MGAM: variants seen among roughly 807,000 people sequenced by gnomAD.
MGAM encodes the protein maltase-glucoamylase, also known as alpha-1,4-glucosidase.
In MGAM, 253 loss-of-function variants were observed where a neutral mutation model predicts 358.8. The observed-to-expected ratio is 0.71, with a 90% CI of 0.64 to 0.78. The LOEUF (loss-of-function observed/expected upper bound fraction) is 0.78. Among genes scored for constraint, MGAM ranks in the 30% least tolerant of loss-of-function variants. MGAM has a pLI of 0.00. For missense variants in MGAM, 3,080 were observed against 3,432.6 expected (o/e 0.90, Z 2.57); for synonymous variants, 1,105 against 1,227.1 (o/e 0.90, Z 2.08).
chr7:142,075,464 G>T (rs568928014), intron 45 of MGAM, among the ~76,000 whole-genome samples: 5 of 146,356 alleles, frequency 3.4e-5, no homozygotes, highest in African/African-American at 1.2e-4. Flanking sequence ...AAAGGCTCCT[G>T]CACAGCAAAA....
At chr7:142,059,785 G>A (rs2129038729) in intron 32 of MGAM, 71 bp from the exon 33 acceptor site, 1 of 1,574,762 alleles carries the variant, frequency 6.4e-7, no homozygotes, top group East Asian at 2.3e-5. Flanking sequence ...CCCTTGAGGA[G>A]TTCTCCTTCA....
chr7:142,089,695 G>A (rs1233365706), intron 57 of MGAM, among the ~76,000 whole-genome samples: 1 of 145,382 alleles, frequency 6.9e-6, no homozygotes, highest in Non-Finnish European at 1.6e-5. Flanking sequence ...GCTGAGGTAG[G>A]AGAATCGCTT....
chr7:142,050,792 C>G lies in MGAM; in HGVS notation c.2733C>G (p.Ser911Arg). 1 of 1,613,800 alleles carries G rather than the reference C, an allele frequency of 6.2e-7. No individual in the cohort carries two copies. The highest frequency in any genetic ancestry group is 2.2e-5 in the East Asian group (1 of 44,890). Residue 911 changes from serine to arginine, a missense_variant, in exon 24 of 71, where the codon AGC (serine) becomes AGG (arginine). By Grantham distance (110) the Ser-to-Arg change is moderately radical (BLOSUM62 -1). Around this residue, in one of 5 missense-constraint regions of MGAM, gnomAD observed 1,816 missense variants for 1,840.5 expected, o/e 0.99. Transcript: ENST00000475668. ...AAATTCTTGGGACGGAGGAACCTAG[C>G]AATGTTACAGTGAAACACAATGGTG... is the stretch of plus-strand genomic sequence containing the variant. The part of the protein sequence containing the change: ...EIKILGTEEP[S>R]NVTVKHNGVP...
At position 142,037,246 on chromosome 7, in the gene MGAM, C is replaced by G. The variant is rs79130820; in HGVS notation, c.2231+269C>G. Among the ~76,000 whole-genome samples, 289 of 152,210 alleles carry G rather than the reference C, an allele frequency of 1.9e-3. 1 individual carries two copies. The highest frequency in any genetic ancestry group is 6.5e-3 in the African/African-American group (269 of 41,544). ...TGGGACTACAGGTCTTTTCTTTGTT[C>G]TGCCATTCACTAACTCTGTATCTTA... On this transcript the variant is annotated intron_variant, in intron 18 of 70. Coordinates refer to ENST00000475668, the MANE Select transcript of MGAM (RefSeq NM_001365693.1).
rs1267402874 is a variant in MGAM, at chr7:142,076,624, A to T, written c.5326-35A>T. 12 of 1,460,678 alleles carry T rather than the reference A, an allele frequency of 8.2e-6. 4 individuals are homozygous for T. Among genetic ancestry groups the T allele is most frequent in the Non-Finnish European group, 1.1e-5 (12 of 1,054,678 alleles). 90.5% of individuals were successfully genotyped at this position (1,460,678 alleles called of 1,614,324 possible). On this transcript the variant is annotated intron_variant, in intron 46 of 70. Transcript: ENST00000475668. ...TTGAGAATCTGTGTATTACAGGCAT[A>T]CCTTTATGCATAATTGGAGTTAATT...
chr7:142,006,543 G>T (rs1805183455), intron 2 of MGAM, among the ~76,000 whole-genome samples: 1 of 152,144 alleles, frequency 6.6e-6, no homozygotes, highest in African/African-American at 2.4e-5. Context: ...CTTTTGCTGT[G>T]ACTGGGCCAC....
chr7:141,994,194 G>A (rs185191390), upstream of MGAM, among the ~76,000 whole-genome samples: 284 of 152,276 alleles, frequency 1.9e-3, 2 homozygotes, highest in Admixed American at 3.5e-3. Context: ...AATTCTAAGA[G>A]GGGTTTATAA....
chr7:142,016,931 T>C (rs563613239), intron 3 of MGAM, among the ~76,000 whole-genome samples: 114 of 152,336 alleles, frequency 7.5e-4, no homozygotes, highest in Non-Finnish European at 5.1e-4. Flanking sequence ...TTTCAGGGCT[T>C]TTGTGAGCTT....
intron 1 of MGAM, among the ~76,000 whole-genome samples, chr7:142,001,472 A>G (rs1312867861): frequency 1.3e-5 from 2 of 152,224 alleles, no homozygotes; most frequent in African/African-American, 2.4e-5. Flanking sequence ...GGGAGTCATG[A>G]ATTAAGACCT....
chr7:142,074,464 C>T (rs1280951406), intron 45 of MGAM, among the ~76,000 whole-genome samples: 1 of 146,102 alleles, frequency 6.8e-6, no homozygotes, highest in Non-Finnish European at 1.5e-5. Flanking sequence ...AAGACTGTTC[C>T]CTAATTCTAT....
chr7:142,086,049 A>T (rs1428767813), intron 55 of MGAM, 88 bp downstream of exon 55: 1 of 1,503,246 alleles, frequency 6.7e-7, no homozygotes, highest in African/African-American at 1.4e-5. Context: ...TCCATGTTGC[A>T]AGTAGATAAA....
At position 142,050,248 on chromosome 7, in the gene MGAM, T is replaced by C; in HGVS notation, c.2601T>C (p.Asn867=). 6.2e-7 allele frequency: 1 copy of C among 1,613,856 alleles called. No homozygotes were observed. Among genetic ancestry groups the C allele is most frequent in the Non-Finnish European group, 8.5e-7 (1 of 1,179,772 alleles). Residue 867 remains asparagine (N), a synonymous_variant, in exon 23 of 71, where the codon AAT becomes AAC. Transcript: ENST00000475668. Reference sequence around the variant, plus strand: ...TCTCACTTTCAGATACTGTGGCCAATAAAGTGTATCTTTTATGTGAGTTTT... The same window carrying C: ...TCTCACTTTCAGATACTGTGGCCAACAAAGTGTATCTTTTATGTGAGTTTT... ...DNGETKDTVA[N]KVYLLCEFSV... is the part of the protein sequence containing the mutation.
chr7:142,008,004 T>C (rs990102431), intron 2 of MGAM, among the ~76,000 whole-genome samples: 12 of 152,192 alleles, frequency 7.9e-5, no homozygotes, highest in Admixed American at 3.3e-4. Context: ...GACCAGATAG[T>C]AAATATTTTA....
In MGAM at chr7:142,044,028, A is replaced by ATACGACGTATAATATATACATTATATACG. The variant is rs1368978266; in HGVS notation, c.2498+3182_2498+3183insTACGACGTATAATATATACATTATATACG. ...GACGTATAATATATACATTATATAC[A>ATACGACGTATAATATATACATTATATACG]CATACGACGTATAATATATACATTA... On this transcript the variant is annotated intron_variant, in intron 21 of 70. Transcript: ENST00000475668. Among the ~76,000 whole-genome samples, 15 of 77,430 alleles carry ATACGACGTATAATATATACATTATATACG rather than the reference A, an allele frequency of 1.9e-4. 3 individuals carry two copies. The highest frequency in any genetic ancestry group is 0.022 in the Middle Eastern group (1 of 46). 50.8% of individuals were successfully genotyped at this position (77,430 alleles called of 152,430 possible).
intron 57 of MGAM, among the ~76,000 whole-genome samples, chr7:142,091,144 G>A (rs1170295387): frequency 6.9e-6 from 1 of 144,162 alleles, no homozygotes; most frequent in Non-Finnish European, 1.6e-5. Context: ...CTACTCAGGA[G>A]GCTGAGGCAA....
chr7:142,032,062 A>G (rs1807552960), intron 13 of MGAM, among the ~76,000 whole-genome samples: 1 of 143,134 alleles, frequency 7.0e-6, no homozygotes, highest in South Asian at 2.2e-4. Flanking sequence ...TTTACGAAGG[A>G]ATGAGCTGAA....
intron 55 of MGAM, 105 bp downstream of exon 55, chr7:142,086,066 T>A (rs1814724586): frequency 6.7e-7 from 1 of 1,485,150 alleles, no homozygotes; most frequent in Admixed American, 1.9e-5. Context: ...TAAATTGAAG[T>A]GTAGTAAGAA....
chr7:142,105,826 G>A lies in MGAM; in HGVS notation c.8197G>A (p.Asp2733Asn), dbSNP rs1276639282. The change falls in exon 71 of 71, where the codon GAT (aspartate) becomes AAT (asparagine). Residue 2733 changes from aspartate (D) to asparagine (N), a missense_variant. Asp to Asn is a conservative substitution (Grantham distance 23). Coordinates refer to ENST00000475668, the MANE Select transcript of MGAM (RefSeq NM_001365693.1). ...TGGTTCCTAACAGGTATTAAGCATC[G>A]ATGTGACTGACAGAAACATCAGCCT... ...NDPTTQVLSI[D>N]VTDRNISLHN... 10 of 1,612,968 alleles carry A rather than the reference G, an allele frequency of 6.2e-6. No individual in the cohort carries two copies. In the East Asian group the frequency reaches 6.7e-5, roughly 11 times the overall value.
In MGAM at chr7:142,095,649, C is replaced by G; in HGVS notation, c.7543C>G (p.Leu2515Val). The G allele has an allele frequency of 6.2e-7, 1 of 1,613,922 alleles. No homozygotes were observed. ...LQTRYTLLPY[L>V]YTLMHKAHTE... is the part of the protein sequence containing the mutation. ...GACCAGATACACCCTGTTGCCATAT[C>G]TGTATACCTTGATGCATAAGGCCCA... The change falls in exon 64 of 71, where the codon CTG (leucine) becomes GTG (valine). Residue 2515 changes from leucine to valine, a missense_variant. Physicochemically the swap from Leu to Val is conservative, Grantham distance 32. Transcript: ENST00000475668.
Sources: gnomAD v4.1 joint callset for allele counts (sites outside exome capture counted in the v4.1 genomes callset) on GRCh38, gnomAD v4.1.1 for gene constraint, gnomAD v4.1.1 regional missense constraint, MANE v1.5 for transcripts, NCBI Gene and HGNC (gene_info 2026-07-23, HGNC 2026-07-21) for gene names.